The following HCLS1 variants were observed in gnomAD, a reference collection of about 807,000 sequenced individuals.
HCLS1 encodes the protein hematopoietic cell-specific Lyn substrate 1.
A neutral mutation model predicts 68.6 loss-of-function variants in HCLS1; 44 were observed. That is an observed-to-expected ratio of 0.64 (90% CI 0.50 to 0.82). The LOEUF is 0.82. HCLS1 is among the 40% of genes least tolerant of loss of function. The pLI is 0.00. For missense variants in HCLS1, 602 were observed against 612.1 expected (o/e 0.98, Z 0.17); for synonymous variants, 217 against 225.8 (o/e 0.96, Z 0.35).
chr3:121,644,675 G>T (rs893291505), intron 5 of HCLS1, 143 bp downstream of exon 5: 8 of 750,302 alleles, frequency 1.1e-5, no homozygotes, highest in African/African-American at 8.5e-5. Flanking sequence ...GCTGAGGGAG[G>T]TATCCCTGTG....
intron 3 of HCLS1, among the ~76,000 whole-genome samples, chr3:121,649,193 G>A (rs1446820511): frequency 6.6e-6 from 1 of 152,040 alleles, no homozygotes; most frequent in Non-Finnish European, 1.5e-5. Context: ...AAAGAAAACA[G>A]ACTTCTTTAG....
chr3:121,641,213 A>C lies in HCLS1; in HGVS notation c.454+1714T>G, dbSNP rs576209881. 3.9e-5 allele frequency among the ~76,000 whole-genome samples: 6 copies of C among 152,292 alleles called. No individual in the cohort carries two copies. In the South Asian group the frequency reaches 1.2e-3, roughly 32 times the overall value. On this transcript the variant is annotated intron_variant, in intron 6 of 13. Transcript: ENST00000314583. Reference sequence around the variant, plus strand: ...AAAAGAAAATCTTTAATTAAAAAAAACCCGGAGATATAAGACATGTTACCT... The same window carrying C: ...AAAAGAAAATCTTTAATTAAAAAAACCCCGGAGATATAAGACATGTTACCT...
intron 5 of HCLS1, chr3:121,644,346 T>C (rs1456946897): frequency 3.6e-6 from 1 of 278,198 alleles, no homozygotes; most frequent in Non-Finnish European, 7.3e-6. Flanking sequence ...TAAAGATATC[T>C]GGACTTCATA....
intron 2 of HCLS1, 119 bp from the exon 3 acceptor site, chr3:121,657,471 T>C (rs1232057293): frequency 1.2e-6 from 1 of 838,756 alleles, no homozygotes. Flanking sequence ...TCAGTCTGGG[T>C]CTTTATTCAC....
rs1325437038 is a variant in HCLS1, at chr3:121,636,671, C to T, written c.566-182G>A. Among the ~76,000 whole-genome samples, 9 of 151,704 alleles carry T rather than the reference C, an allele frequency of 5.9e-5. No individual in the cohort carries two copies. In the East Asian group the frequency reaches 1.5e-3, roughly 26 times the overall value. On this transcript the variant is annotated intron_variant, in intron 7 of 13. Coordinates refer to ENST00000314583, the MANE Select transcript of HCLS1 (RefSeq NM_005335.6). Reference sequence around the variant, plus strand: ...AACAGATGGGGAAAAAATCTGGGAGCGAATGGAGAAGACAAAGATGGAAGT... The same window carrying T: ...AACAGATGGGGAAAAAATCTGGGAGTGAATGGAGAAGACAAAGATGGAAGT...
At position 121,631,783 on chromosome 3, in the gene HCLS1, G is replaced by A. The variant is rs779858265; in HGVS notation, c.*63C>T. 1 of 1,565,260 alleles carries A rather than the reference G, an allele frequency of 6.4e-7. No homozygotes were observed. The highest frequency in any genetic ancestry group is 8.8e-7 in the Non-Finnish European group (1 of 1,139,662). On this transcript the variant is annotated 3_prime_UTR_variant, in exon 14 of 14. Transcript: ENST00000314583. ...AGACATTTGCAGCAGGAATAGGGAG[G>A]GGGTGGAGGCAGAGCCACTTTGGAC...
At chr3:121,634,035 C>T (rs2049125578) in intron 10 of HCLS1, among the ~76,000 whole-genome samples, 172 bp downstream of exon 10, 1 of 152,172 alleles carries the variant, frequency 6.6e-6, no homozygotes, top group Admixed American at 6.5e-5. Context: ...TTCTAACATT[C>T]TGATAGGAGG....
chr3:121,646,082 TATATA>T (rs1418632706), intron 4 of HCLS1, among the ~76,000 whole-genome samples: 6 of 122,958 alleles, frequency 4.9e-5, no homozygotes, highest in East Asian at 2.3e-4. Context: ...CTTGTATTAA[TATATA>T]ATATATTAAT....
At chr3:121,634,510 T>C in intron 9 of HCLS1, 92 bp from the exon 10 acceptor site, 1 of 1,186,950 alleles carries the variant, frequency 8.4e-7, no homozygotes, top group Middle Eastern at 1.9e-4. Context: ...ATCAGTTAAA[T>C]ATCCGGGAGG....
intron 6 of HCLS1, among the ~76,000 whole-genome samples, chr3:121,639,827 A>G (rs935574531): frequency 6.6e-6 from 1 of 152,256 alleles, no homozygotes; most frequent in Admixed American, 6.5e-5. Context: ...GGAAGGCTTA[A>G]AATCAATTAT....
intron 3 of HCLS1, among the ~76,000 whole-genome samples, chr3:121,649,409 A>G (rs997814149): frequency 1.3e-4 from 20 of 152,038 alleles, no homozygotes; most frequent in African/African-American, 4.8e-4. Context: ...TAGATTTTGT[A>G]TTTTTAGTAG....
rs1128159 is a variant in HCLS1 at position 121,631,736 on chromosome 3, C to T, written c.*110G>A. 608,578 of 1,215,844 alleles carry T rather than the reference C, an allele frequency of 0.5. 155,646 individuals carry two copies. Among genetic ancestry groups the T allele is most frequent in the Non-Finnish European group, 0.53 (457,556 of 860,140 alleles). 75.3% of individuals were successfully genotyped at this position (1,215,844 alleles called of 1,614,324 possible). On this transcript the variant is annotated 3_prime_UTR_variant, in exon 14 of 14. Transcript: ENST00000314583. ...CCTTAATGAAGCAGGAGAGGGAAGT[C>T]TGTCCAGAACCTCATCTGGTTAGAC...
chr3:121,633,502 A>G (rs1238502774), intron 10 of HCLS1, among the ~76,000 whole-genome samples: 1 of 152,164 alleles, frequency 6.6e-6, no homozygotes, highest in Non-Finnish European at 1.5e-5. Context: ...GATTACAGGC[A>G]TGAGCCACCA....
intron 2 of HCLS1, among the ~76,000 whole-genome samples, chr3:121,657,595 C>T (rs1937900406): frequency 1.3e-5 from 2 of 152,134 alleles, no homozygotes; most frequent in Non-Finnish European, 1.5e-5. Flanking sequence ...GCGGGTGGAT[C>T]TCTTTAGGTC....
Position 121,634,249 on chromosome 3 carries a change from C to G in HCLS1, c.861G>C (p.Glu287Asp). 1 of 1,614,202 alleles carries G rather than the reference C, an allele frequency of 6.2e-7. No individual in the cohort carries two copies. The highest frequency in any genetic ancestry group is 1.3e-5 in the African/African-American group (1 of 75,064). ...EAPQPVIAME[E>D]PAVPAPLPKK... is the part of the protein sequence containing the mutation. ...TGGGCAGTGGGGCCGGTACTGCTGG[C>G]TCTTCCATAGCTATCACTGGCTGTG... is the stretch of plus-strand genomic sequence containing the variant. The change falls in exon 10 of 14, where the codon GAG (glutamate) becomes GAC (aspartate). Residue 287 changes from glutamate (E) to aspartate (D), a missense_variant. Glu to Asp is a conservative substitution (Grantham distance 45, BLOSUM62 2). Transcript: ENST00000314583.
In HCLS1 at chr3:121,647,379, C is replaced by T. The variant is rs1057067979; in HGVS notation, c.228G>A (p.Gly76=). 9 of 1,613,776 alleles carry T rather than the reference C, an allele frequency of 5.6e-6. No homozygotes were observed. The highest frequency in any genetic ancestry group is 7.6e-6 in the Non-Finnish European group (9 of 1,179,864). The change falls in exon 4 of 14, where the codon GGG becomes GGA. Residue 76 remains glycine (G), a synonymous_variant. Coordinates refer to ENST00000314583, the MANE Select transcript of HCLS1 (RefSeq NM_005335.6). ...CTCCATAGCCATGGGATGCTTTGGGCCCTGACTCCATCTCTTTCTTCCTGA... is the reference window on the plus strand; with the variant it reads ...CTCCATAGCCATGGGATGCTTTGGGTCCTGACTCCATCTCTTTCTTCCTGA... The part of the protein sequence containing the change: ...DVLRKKEMES[G]PKASHGYGGR...
chr3:121,658,761 T>C (rs1346978242), intron 1 of HCLS1, among the ~76,000 whole-genome samples: 1 of 152,240 alleles, frequency 6.6e-6, no homozygotes, highest in Non-Finnish European at 1.5e-5. Flanking sequence ...TTTCTATATA[T>C]GATTCCTTTG....
intron 7 of HCLS1, 137 bp downstream of exon 7, chr3:121,637,009 A>G: frequency 3.0e-6 from 2 of 659,940 alleles, no homozygotes; most frequent in Non-Finnish European, 5.6e-6. Context: ...GTCCCCACAC[A>G]TGTGCTTACT....
intron 3 of HCLS1, among the ~76,000 whole-genome samples, chr3:121,652,488 T>C (rs907304123): frequency 1.3e-5 from 2 of 152,102 alleles, no homozygotes; most frequent in Admixed American, 1.3e-4. Flanking sequence ...ACCCCGTCTC[T>C]ACTAAAAATA....
Sources: gnomAD v4.1 joint callset for allele counts (sites outside exome capture counted in the v4.1 genomes callset) on GRCh38, gnomAD v4.1.1 for gene constraint, MANE v1.5 for transcripts, NCBI Gene and HGNC (gene_info 2026-07-23, HGNC 2026-07-21) for gene names.